Variants in WDR3 observed in about 807,000 individuals in gnomAD.
WDR3 encodes WD repeat-containing protein 3.
Under a neutral mutation model 123.7 loss-of-function variants are expected in WDR3, and 81 were observed. The observed-to-expected ratio is 0.65, with a 90% CI of 0.55 to 0.79. The LOEUF is 0.79. Among genes scored for constraint, WDR3 ranks in the 30% least tolerant of loss-of-function variants. The pLI, the probability that WDR3 is intolerant of heterozygous loss-of-function variation, is 0.00. For synonymous variants in WDR3, 390 were observed against 388.8 expected (o/e 1.00, Z -0.04); for missense variants, 1,027 against 1,123.2 (o/e 0.91, Z 1.22).
At chr1:117,944,495 A>G (rs1651297780) in intron 11 of WDR3, among the ~76,000 whole-genome samples, 1 of 152,182 alleles carries the variant, frequency 6.6e-6, no homozygotes, top group South Asian at 2.1e-4. Flanking sequence ...CTCCCTAAAC[A>G]TCAAATTCAT....
chr1:117,938,353 A>T, intron 4 of WDR3, 127 bp from the exon 5 acceptor site: 1 of 656,780 alleles, frequency 1.5e-6, no homozygotes, highest in Non-Finnish European at 2.5e-6. Flanking sequence ...GATCAGAGAG[A>T]ATCGGAGCTT....
At chr1:117,936,347 A>G (rs1250732252) in intron 3 of WDR3, among the ~76,000 whole-genome samples, 1 of 121,208 alleles carries the variant, frequency 8.3e-6, no homozygotes, top group African/African-American at 2.8e-5. Context: ...TAACAGCAGA[A>G]GGTTGGAAAC....
Position 117,939,335 on chromosome 1 carries a change from T to C in WDR3, c.580-142T>C, listed in dbSNP as rs997642129. 114 of 763,806 alleles carry C rather than the reference T, an allele frequency of 1.5e-4. 2 individuals carry two copies. In the Admixed American group the frequency reaches 3.2e-3, roughly 21 times the overall value. 47.3% of individuals were successfully genotyped at this position (763,806 alleles called of 1,614,324 possible). A position where few individuals can be genotyped will look rare whatever the true frequency, so the allele number is the denominator to read the frequency against. ...AAGTGAGACTTCTCTTAGTGCATTT[T>C]GAAAGGGTTGTCGATATGCCTTTTC... is the stretch of plus-strand genomic sequence containing the variant. On this transcript the variant is annotated intron_variant, in intron 5 of 26. Transcript: ENST00000349139.
At chr1:117,955,972 C>T (rs920277285) in intron 24 of WDR3, among the ~76,000 whole-genome samples, 1 of 151,962 alleles carries the variant, frequency 6.6e-6, no homozygotes, top group Non-Finnish European at 1.5e-5. Context: ...TTTTATATTG[C>T]CAAATTACTT....
At chr1:117,948,965 G>A (rs137986018) in intron 13 of WDR3, among the ~76,000 whole-genome samples, 1,969 of 152,082 alleles carry the variant, frequency 0.013, 18 homozygotes, top group Non-Finnish European at 0.016. Context: ...TGGTGCTGTT[G>A]CTTAGAAAAT....
rs1247663005 is a variant in WDR3, at chr1:117,941,990, A to G, written c.989+143A>G. On this transcript the variant is annotated intron_variant, in intron 9 of 26. Transcript: ENST00000349139. ...GAACTTGTGAGGTATCGATAACCCAAATTTGTCAAGTCTCAGAGAGACAGA... is the reference window on the plus strand; with the variant it reads ...GAACTTGTGAGGTATCGATAACCCAGATTTGTCAAGTCTCAGAGAGACAGA... 5.2e-6 allele frequency: 7 copies of G among 1,334,038 alleles called. No individual in the cohort carries two copies. The Admixed American group carries it at 1.4e-4, about 27-fold the overall frequency. The allele number at this position is 1,334,038 out of a possible 1,614,324, so 82.6% of individuals were successfully genotyped here.
chr1:117,940,743 C>T, intron 6 of WDR3, 84 bp from the exon 7 acceptor site: 5 of 1,276,178 alleles, frequency 3.9e-6, no homozygotes, highest in Non-Finnish European at 5.5e-6. Context: ...ACAACAACAA[C>T]AACAACAAAA....
chr1:117,964,161 C>G lies in WDR3; in HGVS notation c.*4714C>G, dbSNP rs576382166. 1 of 390,724 alleles carries G rather than the reference C, an allele frequency of 2.6e-6. No homozygotes were observed. Among genetic ancestry groups the G allele is most frequent in the South Asian group, 5.2e-5 (1 of 19,170 alleles). 24.2% of individuals were successfully genotyped at this position (390,724 alleles called of 1,614,324 possible). A position where few individuals can be genotyped will look rare whatever the true frequency, so the allele number is the denominator to read the frequency against. ...GTTCTCCCTAGTGTACATTTCTCTCCTAACTGTGACTGGCTTTCTATAAGG... is the reference window on the plus strand; with the variant it reads ...GTTCTCCCTAGTGTACATTTCTCTCGTAACTGTGACTGGCTTTCTATAAGG... On this transcript the variant is annotated 3_prime_UTR_variant, in exon 27 of 27. Transcript: ENST00000349139.
chr1:117,949,804 G>A lies in WDR3; in HGVS notation c.1578G>A (p.Glu526=), dbSNP rs374422166. Residue 526 remains glutamate, a synonymous_variant, in exon 14 of 27, where the codon GAG becomes GAA. Transcript: ENST00000349139. The part of the protein sequence containing the change: ...ADKSVKFWDF[E]LVKDENSTQK... ...AATCTGTCAAATTCTGGGATTTTGA[G>A]TTAGTGAAAGATGAAAATAGTACCC... 4.3e-5 allele frequency: 70 copies of A among 1,613,772 alleles called. No homozygotes were observed. The highest frequency in any genetic ancestry group is 3.1e-4 in the East Asian group (14 of 44,884).
chr1:117,940,778 T>C, intron 6 of WDR3, 49 bp from the exon 7 acceptor site: 1 of 1,486,718 alleles, frequency 6.7e-7, no homozygotes, highest in Non-Finnish European at 9.3e-7. Flanking sequence ...ACAACATGCC[T>C]CCTGGAACAT....
chr1:117,943,033 A>G (rs1219783410), intron 10 of WDR3, among the ~76,000 whole-genome samples: 1 of 151,296 alleles, frequency 6.6e-6, no homozygotes, highest in Non-Finnish European at 1.5e-5. Context: ...GCTCAGTGCA[A>G]CCTCCATCTC....
At position 117,934,490 on chromosome 1, in the gene WDR3, G is replaced by C. The variant is rs769936821; in HGVS notation, c.189G>C (p.Gly63=). 2 of 1,613,846 alleles carry C rather than the reference G, an allele frequency of 1.2e-6. No homozygotes were observed. The highest frequency in any genetic ancestry group is 1.7e-6 in the Non-Finnish European group (2 of 1,179,960). Residue 63 remains glycine, a synonymous_variant, in exon 3 of 27, where the codon GGG becomes GGC. Transcript: ENST00000349139. ...GATTTCAGATTCTTATCCTTCAGGG[G>C]CTTAAACAAGAAGTTACTTGCTTAT... ...RKGEKILILQ[G]LKQEVTCLCP...
chr1:117,948,368 T>C (rs1281034988), intron 12 of WDR3, 37 bp from the exon 13 acceptor site: 1 of 1,571,520 alleles, frequency 6.4e-7, no homozygotes, highest in Non-Finnish European at 8.8e-7. Flanking sequence ...GTTGTACGTA[T>C]GTTCATTGGA....
chr1:117,952,736 T>C (rs979573219), intron 19 of WDR3, 74 bp downstream of exon 19: 36 of 1,562,576 alleles, frequency 2.3e-5, no homozygotes, highest in Non-Finnish European at 2.9e-5. Flanking sequence ...GTTTTCTGTC[T>C]AGTGCAGTTA....
intron 26 of WDR3, 69 bp downstream of exon 26, chr1:117,959,072 T>C: frequency 6.7e-7 from 1 of 1,484,834 alleles, no homozygotes; most frequent in Non-Finnish European, 9.3e-7. Flanking sequence ...TAGTATAGTA[T>C]GCTGTGCTTT....
rs776252825 is a variant in WDR3 at position 117,950,082 on chromosome 1, GT to G, written c.1699del (p.Ser567LeufsTer7). ...YSPNQKLLAV[S>X]LLDCTVKIFY... ...CTCCCAATCAAAAGCTATTGGCTGT[GT>G]CTTTGCTGGACTGTACTGTGAAAAT... On this transcript the variant is annotated frameshift_variant, in exon 15 of 27. Transcript: ENST00000349139. LOFTEE classifies it high-confidence loss of function. 5.6e-6 allele frequency: 9 copies of G among 1,613,870 alleles called. No homozygotes were observed. In the South Asian group the frequency reaches 9.9e-5, roughly 18 times the overall value.
rs968253677 is a variant in WDR3 at position 117,943,572 on chromosome 1, C to T, written c.1274C>T (p.Ser425Leu). 5 of 1,614,024 alleles carry T rather than the reference C, an allele frequency of 3.1e-6. No individual in the cohort carries two copies. In the African/African-American group the frequency reaches 6.7e-5, roughly 22 times the overall value. Residue 425 changes from serine (S) to leucine (L), a missense_variant, in exon 11 of 27, where the codon TCA becomes TTA. Coordinates refer to ENST00000349139, the MANE Select transcript of WDR3 (RefSeq NM_006784.3). ...GATGTGCGGACTTTGTCATTCAGCT[C>T]AGACAATATTGCTGTTCTTTCAGCT... Reference protein sequence around the residue: ...RSDVRTLSFSSDNIAVLSAAA... With the variant: ...RSDVRTLSFSLDNIAVLSAAA...
chr1:117,942,564 C>A lies in WDR3; in HGVS notation c.1097+20C>A, dbSNP rs548569896. On this transcript the variant is annotated intron_variant, in intron 10 of 26. Transcript: ENST00000349139. The stretch of plus-strand genomic sequence containing the variant: ...AATCAAGTGAGTAAAAATAAATTAT[C>A]TGAAGTTATAGAAATAGTAAGCTAC... 17 of 1,596,486 alleles carry A rather than the reference C, an allele frequency of 1.1e-5. No homozygotes were observed. Among genetic ancestry groups the A allele is most frequent in the Non-Finnish European group, 1.4e-5 (16 of 1,165,070 alleles).
chr1:117,939,440 G>A (rs1356175056), intron 5 of WDR3, 37 bp from the exon 6 acceptor site: 1 of 1,552,578 alleles, frequency 6.4e-7, no homozygotes, highest in Admixed American at 1.7e-5. Flanking sequence ...GGAATCTCTT[G>A]AAAATCGTAT....
Sources: allele counts gnomAD v4.1 joint callset (sites outside exome capture counted in the v4.1 genomes callset), GRCh38; gene constraint gnomAD v4.1.1; transcripts MANE v1.5; gene names NCBI Gene and HGNC (gene_info 2026-07-23, HGNC 2026-07-21).